TRAPPC9: variants seen among roughly 807,000 people sequenced by gnomAD.
TRAPPC9 encodes IKK2 binding protein.
In TRAPPC9, 83 loss-of-function variants were observed where a neutral mutation model predicts 124.0. The ratio of observed to expected loss-of-function variants is 0.67; its 90% confidence interval spans 0.56 to 0.80. The LOEUF is 0.80. Among genes scored for constraint, TRAPPC9 ranks in the 30% least tolerant of loss-of-function variants. The pLI, the probability that TRAPPC9 is intolerant of heterozygous loss-of-function variation, is 0.00. For missense variants in TRAPPC9, 1,302 were observed against 1,508.3 expected (o/e 0.86, Z 2.27); for synonymous variants, 638 against 617.5 (o/e 1.03, Z -0.49).
chr8:140,061,466 A>G (rs1483799430), intron 17 of TRAPPC9, among the ~76,000 whole-genome samples: 1 of 152,228 alleles, frequency 6.6e-6, no homozygotes, highest in Non-Finnish European at 1.5e-5. Flanking sequence ...GTCAAGCAGG[A>G]AGCAGAGAAG....
At chr8:139,855,906 C>T (rs1827771012) in intron 21 of TRAPPC9, among the ~76,000 whole-genome samples, 1 of 152,234 alleles carries the variant, frequency 6.6e-6, no homozygotes, top group African/African-American at 2.4e-5. Flanking sequence ...CCCCACAGAA[C>T]TAGGGGGCAG....
intron 2 of TRAPPC9, among the ~76,000 whole-genome samples, chr8:140,443,181 A>G (rs1334106651): frequency 6.9e-6 from 1 of 144,786 alleles, no homozygotes; most frequent in African/African-American, 2.5e-5. Context: ...CACACCTGTA[A>G]TCCCAGCACT....
intron 7 of TRAPPC9, among the ~76,000 whole-genome samples, chr8:140,383,183 C>T (rs530680044): frequency 6.6e-6 from 1 of 152,212 alleles, no homozygotes; most frequent in South Asian, 2.1e-4. Context: ...CATCAAAGAC[C>T]AAAGGTAGAA....
intron 17 of TRAPPC9, among the ~76,000 whole-genome samples, chr8:140,046,378 A>G (rs1841595824): frequency 6.6e-6 from 1 of 152,264 alleles, no homozygotes; most frequent in South Asian, 2.1e-4. Context: ...CAGGAAAGAG[A>G]GCTGGATGGA....
intron 20 of TRAPPC9, among the ~76,000 whole-genome samples, chr8:139,898,861 T>C (rs1360777515): frequency 6.6e-6 from 1 of 152,156 alleles, no homozygotes; most frequent in Admixed American, 6.5e-5. Context: ...GGCTCATGCC[T>C]GTAATCCCAG....
chr8:139,924,807 T>C (rs763668662), intron 19 of TRAPPC9, among the ~76,000 whole-genome samples: 1 of 152,252 alleles, frequency 6.6e-6, no homozygotes, highest in East Asian at 1.9e-4. Context: ...CCGTGAATTC[T>C]ACAGAGTGAG....
chr8:140,367,935 C>T (rs1475736149), intron 8 of TRAPPC9, among the ~76,000 whole-genome samples: 1 of 152,080 alleles, frequency 6.6e-6, no homozygotes, highest in Non-Finnish European at 1.5e-5. Context: ...TCCTATCCCT[C>T]CAGGGAACAC....
chr8:140,123,197 C>T (rs1428618583), intron 17 of TRAPPC9, among the ~76,000 whole-genome samples: 1 of 152,020 alleles, frequency 6.6e-6, no homozygotes, highest in East Asian at 1.9e-4. Flanking sequence ...GTCCCCGACC[C>T]CTCTTCAGAG....
At chr8:140,334,036 A>C (rs1352827952) in intron 9 of TRAPPC9, among the ~76,000 whole-genome samples, 1 of 152,234 alleles carries the variant, frequency 6.6e-6, no homozygotes, top group Non-Finnish European at 1.5e-5. Flanking sequence ...TTGTTTACAG[A>C]TGAGAGAAAT....
At chr8:140,243,593 C>G (rs908327151) in intron 16 of TRAPPC9, among the ~76,000 whole-genome samples, 6 of 152,164 alleles carry the variant, frequency 3.9e-5, no homozygotes, top group African/African-American at 1.4e-4. Context: ...CACTACTCAC[C>G]AAAGTCAACC....
chr8:139,960,233 G>A (rs1191472522), intron 19 of TRAPPC9, among the ~76,000 whole-genome samples: 1 of 152,136 alleles, frequency 6.6e-6, no homozygotes, highest in Admixed American at 6.5e-5. Flanking sequence ...CACAGACAAT[G>A]GCCTGAGCCC....
intron 17 of TRAPPC9, among the ~76,000 whole-genome samples, chr8:140,049,766 G>A (rs1271428294): frequency 6.6e-6 from 1 of 152,144 alleles, no homozygotes; most frequent in African/African-American, 2.4e-5. Context: ...TATCCCACAG[G>A]GCAGGCACTG....
chr8:140,412,418 T>C (rs1266464806), intron 5 of TRAPPC9, among the ~76,000 whole-genome samples: 2 of 152,108 alleles, frequency 1.3e-5, no homozygotes, highest in Non-Finnish European at 2.9e-5. Flanking sequence ...CATCAGGAAA[T>C]AGAACTGCTG....
chr8:140,054,525 C>A (rs1842192674), intron 17 of TRAPPC9, among the ~76,000 whole-genome samples: 2 of 151,842 alleles, frequency 1.3e-5, no homozygotes, highest in African/African-American at 2.4e-5. Flanking sequence ...ACAAACTATG[C>A]CCAACATCAG....
At chr8:139,771,694 T>A (rs1020602454) in intron 21 of TRAPPC9, among the ~76,000 whole-genome samples, 4 of 152,158 alleles carry the variant, frequency 2.6e-5, no homozygotes, top group Admixed American at 6.5e-5. Context: ...CACGGATATT[T>A]GTGACAAGTG....
Position 139,792,003 on chromosome 8 carries a change from A to G in TRAPPC9, c.3056-59801T>C, listed in dbSNP as rs559156625. On this transcript the variant is annotated intron_variant, in intron 21 of 22. Coordinates refer to ENST00000438773, the MANE Select transcript of TRAPPC9 (RefSeq NM_001160372.4). The stretch of plus-strand genomic sequence containing the variant: ...CATACCCCAGCTTTCAGCACACGTC[A>G]CCTCCCACAGGGAGCCCTCCCTGAT... 9.2e-5 allele frequency among the ~76,000 whole-genome samples: 14 copies of G among 151,916 alleles called. No homozygotes were observed. The East Asian group carries it at 2.5e-3, about 27-fold the overall frequency.
At chr8:140,282,305 C>G (rs1433209695) in intron 14 of TRAPPC9, among the ~76,000 whole-genome samples, 1 of 152,086 alleles carries the variant, frequency 6.6e-6, no homozygotes, top group Non-Finnish European at 1.5e-5. Flanking sequence ...GAGTTTGAGA[C>G]CAGCCTGGCC....
rs374392590 is a variant in TRAPPC9, at chr8:140,397,676, G to A, written c.1078C>T (p.Arg360Trp). 4.0e-5 allele frequency: 64 copies of A among 1,614,134 alleles called. No homozygotes were observed. Among genetic ancestry groups the A allele is most frequent in the Non-Finnish European group, 4.9e-5 (58 of 1,180,026 alleles). Reference protein sequence around the residue: ...KAVRVLAIQKRSMEASEFLQN... With the variant: ...KAVRVLAIQKWSMEASEFLQN... ...AGAAATTCTGATGCTTCCATGCTCC[G>A]TTTCTGAATTGCAAGGACACGTACA... The change falls in exon 7 of 23, where the codon CGG becomes TGG. Residue 360 changes from arginine to tryptophan, a missense_variant. Transcript: ENST00000438773.
intron 17 of TRAPPC9, among the ~76,000 whole-genome samples, chr8:140,100,849 C>T (rs920234607): frequency 6.6e-6 from 1 of 152,204 alleles, no homozygotes; most frequent in Non-Finnish European, 1.5e-5. Context: ...CGTGCCTTTC[C>T]GAGGCGAAAG....
Sources: allele counts gnomAD v4.1 joint callset (sites outside exome capture counted in the v4.1 genomes callset), GRCh38; gene constraint gnomAD v4.1.1; transcripts MANE v1.5; gene names NCBI Gene and HGNC (gene_info 2026-07-23, HGNC 2026-07-21).